Variants in VAT1L observed in about 807,000 individuals in gnomAD.
VAT1L encodes the protein vesicle amine transport 1 like.
In VAT1L, 34 loss-of-function variants were observed where a neutral mutation model predicts 44.1. That is an observed-to-expected ratio of 0.77 (90% CI 0.59 to 1.03). The LOEUF (loss-of-function observed/expected upper bound fraction) is 1.03, where lower values mean the gene tolerates loss of function less well. VAT1L is among the 50% of genes least tolerant of loss of function. The probability of loss-of-function intolerance (pLI) is 0.00; values close to 1 mark genes in which losing one functional copy is unlikely to be tolerated. For synonymous variants in VAT1L, 253 were observed against 202.2 expected, an observed-to-expected ratio of 1.25 and a Z score of -2.13; for missense variants, 615 against 538.8, an observed-to-expected ratio of 1.14 and a Z score of -1.40.
intron 7 of VAT1L, among the ~76,000 whole-genome samples, chr16:77,897,257 C>T (rs1325128291): frequency 6.6e-6 from 1 of 152,162 alleles, no homozygotes; most frequent in Non-Finnish European, 1.5e-5. Context: ...ATCCACACTT[C>T]GGTCTGAGCA....
chr16:77,903,034 A>C (rs1462885113), intron 7 of VAT1L, among the ~76,000 whole-genome samples: 2 of 151,878 alleles, frequency 1.3e-5, no homozygotes, highest in Non-Finnish European at 2.9e-5. Flanking sequence ...TATACCTTAC[A>C]CTCTCATAGT....
At chr16:77,956,657 G>T (rs2018106890) in intron 7 of VAT1L, among the ~76,000 whole-genome samples, 1 of 152,128 alleles carries the variant, frequency 6.6e-6, no homozygotes, top group African/African-American at 2.4e-5. Context: ...CTTAGGTTCA[G>T]AGCCTATAGT....
At chr16:77,957,071 A>T (rs1360700499) in intron 7 of VAT1L, among the ~76,000 whole-genome samples, 1 of 152,196 alleles carries the variant, frequency 6.6e-6, no homozygotes, top group Non-Finnish European at 1.5e-5. Context: ...AAGGGAAAAA[A>T]TCACAATTCC....
At chr16:77,908,164 G>A (rs897068153) in intron 7 of VAT1L, among the ~76,000 whole-genome samples, 5 of 151,672 alleles carry the variant, frequency 3.3e-5, no homozygotes, top group African/African-American at 1.2e-4. Context: ...GCGTGAACCC[G>A]GGAGGTGGAG....
intron 3 of VAT1L, among the ~76,000 whole-genome samples, chr16:77,839,085 G>C (rs1319510088): frequency 6.6e-6 from 1 of 152,100 alleles, no homozygotes; most frequent in Non-Finnish European, 1.5e-5. Flanking sequence ...AGAGGGAGGA[G>C]TAAAAGCTGC....
chr16:77,940,714 T>C (rs2017872139), intron 7 of VAT1L, among the ~76,000 whole-genome samples: 2 of 152,164 alleles, frequency 1.3e-5, no homozygotes, highest in Non-Finnish European at 2.9e-5. Context: ...CCATAATTAA[T>C]TTAAAAATAA....
At chr16:77,795,809 TTC>T (rs146517297) in intron 1 of VAT1L, among the ~76,000 whole-genome samples, 1 of 139,722 alleles carries the variant, frequency 7.2e-6, no homozygotes, top group Non-Finnish European at 1.5e-5. Flanking sequence ...GCTCCCTTTT[TTC>T]TCTTTTTTTT....
At position 77,895,323 on chromosome 16, in the gene VAT1L, A is replaced by T. The variant is rs1461616849; in HGVS notation, c.1077+10521A>T. Among the ~76,000 whole-genome samples the T allele has an allele frequency of 2.2e-5, 3 of 138,798 alleles. No homozygotes were observed. In the Admixed American group the frequency reaches 2.4e-4, roughly 11 times the overall value. 91.1% of individuals were successfully genotyped at this position (138,798 alleles called of 152,430 possible). A position where few individuals can be genotyped will look rare whatever the true frequency, so the allele number is the denominator to read the frequency against. The stretch of plus-strand genomic sequence containing the variant: ...TGACAGGCTGAAGAATGGCCCCCTA[A>T]AGATGTCCACATCCTAATCCCTAGA... On this transcript the variant is annotated intron_variant, in intron 7 of 8. Coordinates refer to ENST00000302536, the MANE Select transcript of VAT1L (RefSeq NM_020927.3).
At chr16:77,935,948 T>C (rs1453547036) in intron 7 of VAT1L, among the ~76,000 whole-genome samples, 1 of 152,190 alleles carries the variant, frequency 6.6e-6, no homozygotes, top group African/African-American at 2.4e-5. Context: ...GCCTAATAAA[T>C]ACTCACTTCA....
At chr16:77,876,502 G>A (rs773691583) in intron 5 of VAT1L, 29 bp downstream of exon 5, 4 of 1,593,428 alleles carry the variant, frequency 2.5e-6, no homozygotes, top group Non-Finnish European at 2.6e-6. Context: ...CAGGGACGTG[G>A]TCAGCAATAG....
chr16:77,929,050 C>T (rs1316271527), intron 7 of VAT1L, among the ~76,000 whole-genome samples: 1 of 152,096 alleles, frequency 6.6e-6, no homozygotes, highest in East Asian at 1.9e-4. Context: ...CTCTTGACCT[C>T]GTGATCCGCC....
At chr16:77,866,537 G>A (rs1333957076) in intron 4 of VAT1L, among the ~76,000 whole-genome samples, 4 of 151,854 alleles carry the variant, frequency 2.6e-5, no homozygotes, top group Middle Eastern at 6.8e-3. Context: ...CATGCGATAG[G>A]AGTGGAATGC....
intron 1 of VAT1L, among the ~76,000 whole-genome samples, chr16:77,789,648 G>A (rs1262608597): frequency 6.6e-6 from 1 of 152,062 alleles, no homozygotes; most frequent in African/African-American, 2.4e-5. Flanking sequence ...CAGGGCTGCA[G>A]CGCAACCCCC....
intron 7 of VAT1L, among the ~76,000 whole-genome samples, chr16:77,944,528 G>T (rs1017109986): frequency 2.6e-5 from 4 of 152,162 alleles, no homozygotes; most frequent in African/African-American, 9.7e-5. Context: ...CATAGTAAGT[G>T]CTAGGATCCT....
intron 7 of VAT1L, among the ~76,000 whole-genome samples, chr16:77,915,910 T>A (rs115736159): frequency 1.7e-3 from 254 of 152,318 alleles, no homozygotes; most frequent in African/African-American, 5.7e-3. Flanking sequence ...TCAAGCCAGC[T>A]ACTCCTGTGG....
At chr16:77,836,756 A>T (rs918965003) in intron 3 of VAT1L, among the ~76,000 whole-genome samples, 35 of 152,170 alleles carry the variant, frequency 2.3e-4, no homozygotes, top group Non-Finnish European at 5.0e-4. Context: ...CTCATTCTTT[A>T]TTTTAATTGT....
chr16:77,809,860 A>G, intron 1 of VAT1L, among the ~76,000 whole-genome samples: 1 of 152,216 alleles, frequency 6.6e-6, no homozygotes, highest in South Asian at 2.1e-4. Flanking sequence ...GACATCCTTC[A>G]TGGTCTTCAC....
Position 77,964,066 on chromosome 16 carries a change from A to G in VAT1L, c.1078-7784A>G, listed in dbSNP as rs553580916. ...ACCTGCCCTTGTATTTTTCTCCACC[A>G]CTCTGGCCTCCTCTTAGAGAATCCC... On this transcript the variant is annotated intron_variant, in intron 7 of 8. Transcript: ENST00000302536. Among the ~76,000 whole-genome samples the G allele has an allele frequency of 1.8e-3, 269 of 151,520 alleles. 2 individuals carry two copies. Among genetic ancestry groups the G allele is most frequent in the African/African-American group, 6.0e-3 (248 of 41,290 alleles).
At chr16:77,953,823 T>C (rs1414162380) in intron 7 of VAT1L, among the ~76,000 whole-genome samples, 1 of 152,152 alleles carries the variant, frequency 6.6e-6, no homozygotes, top group Non-Finnish European at 1.5e-5. Flanking sequence ...TTTGAGCACG[T>C]GTATCTCTAG....
Sources: gnomAD v4.1 joint callset for allele counts (sites outside exome capture counted in the v4.1 genomes callset) on GRCh38, gnomAD v4.1.1 for gene constraint, MANE v1.5 for transcripts, NCBI Gene and HGNC (gene_info 2026-07-23, HGNC 2026-07-21) for gene names.